PRKCA: variants seen among roughly 807,000 people sequenced by gnomAD.
The protein encoded by PRKCA is protein kinase C alpha.
PRKCA carries 27 observed loss-of-function variants against 87.0 expected under a neutral mutation model. The observed-to-expected ratio is 0.31, with a 90% confidence interval of 0.23 to 0.43. The LOEUF (loss-of-function observed/expected upper bound fraction) is 0.43. PRKCA is among the 20% of genes least tolerant of loss of function. The pLI, the probability that PRKCA is intolerant of heterozygous loss-of-function variation, is 1.00. For missense variants in PRKCA, 518 were observed against 852.3 expected, an observed-to-expected ratio of 0.61 and a Z score of 4.88; for synonymous variants, 329 against 311.1, an observed-to-expected ratio of 1.06 and a Z score of -0.61.
At chr17:66,531,421 T>G (rs1290902540) in intron 3 of PRKCA, among the ~76,000 whole-genome samples, 1 of 152,152 alleles carries the variant, frequency 6.6e-6, no homozygotes, top group Non-Finnish European at 1.5e-5. Context: ...TGGGAGCCGG[T>G]GGCATCCTTG....
intron 2 of PRKCA, among the ~76,000 whole-genome samples, chr17:66,351,647 C>A (rs1468130053): frequency 6.6e-6 from 1 of 152,154 alleles, no homozygotes; most frequent in Non-Finnish European, 1.5e-5. Flanking sequence ...GGTTATAAAT[C>A]ATTAAATATT....
In PRKCA at chr17:66,505,172, G is replaced by A. The variant is rs551013230; in HGVS notation, c.288+8889G>A. ...AGTAACAGAAGTATTTCCTACAAGG[G>A]AAGGGACTCCTGCTGCACTTGGACC... is the stretch of plus-strand genomic sequence containing the variant. On this transcript the variant is annotated intron_variant, in intron 3 of 16. Transcript: ENST00000413366. Among the ~76,000 whole-genome samples, 22 of 152,288 alleles carry A rather than the reference G, an allele frequency of 1.4e-4. No homozygotes were observed. In the South Asian group the frequency reaches 3.1e-3, roughly 22 times the overall value.
intron 8 of PRKCA, among the ~76,000 whole-genome samples, chr17:66,705,081 CA>C (rs958762095): frequency 2.0e-5 from 3 of 152,014 alleles, no homozygotes; most frequent in African/African-American, 7.2e-5. Flanking sequence ...AGACACAAAA[CA>C]AAAAAATCTA....
chr17:66,628,196 A>G (rs1191946367), intron 3 of PRKCA, among the ~76,000 whole-genome samples: 1 of 152,128 alleles, frequency 6.6e-6, no homozygotes, highest in Non-Finnish European at 1.5e-5. Context: ...TTTTGCTTTT[A>G]ATATTTTATG....
intron 2 of PRKCA, among the ~76,000 whole-genome samples, chr17:66,345,673 A>C (rs1488158912): frequency 6.6e-6 from 1 of 152,172 alleles, no homozygotes; most frequent in Non-Finnish European, 1.5e-5. Flanking sequence ...TTATTGACTT[A>C]TTTCTCTTAC....
At chr17:66,497,616 T>C (rs1052804534) in intron 3 of PRKCA, among the ~76,000 whole-genome samples, 1 of 152,160 alleles carries the variant, frequency 6.6e-6, no homozygotes. Context: ...TAAAAAAAAT[T>C]GTCAGGCAGG....
rs372025001 is a variant in PRKCA, at chr17:66,546,141, C to T, written c.288+49858C>T. On this transcript the variant is annotated intron_variant, in intron 3 of 16. Coordinates refer to ENST00000413366, the MANE Select transcript of PRKCA (RefSeq NM_002737.3). Reference sequence around the variant, plus strand: ...TGCCATTTAATTGCAGTCTTTACACCATTTATATGTAATGGAATTATCATT... The same window carrying T: ...TGCCATTTAATTGCAGTCTTTACACTATTTATATGTAATGGAATTATCATT... Among the ~76,000 whole-genome samples, 10 of 152,114 alleles carry T rather than the reference C, an allele frequency of 6.6e-5. No individual in the cohort carries two copies. In the East Asian group the frequency reaches 9.6e-4, roughly 15 times the overall value.
intron 3 of PRKCA, among the ~76,000 whole-genome samples, chr17:66,526,396 T>G (rs2144241462): frequency 6.6e-6 from 1 of 152,290 alleles, no homozygotes; most frequent in African/African-American, 2.4e-5. Context: ...GCAGACATAA[T>G]CTGCATGTCA....
At chr17:66,505,640 G>A (rs976825761) in intron 3 of PRKCA, among the ~76,000 whole-genome samples, 10 of 152,136 alleles carry the variant, frequency 6.6e-5, no homozygotes, top group Non-Finnish European at 1.2e-4. Flanking sequence ...CAGGCCAGTG[G>A]AACCCAGTCA....
At chr17:66,438,728 A>G (rs1913549557) in intron 2 of PRKCA, among the ~76,000 whole-genome samples, 1 of 152,158 alleles carries the variant, frequency 6.6e-6, no homozygotes. Context: ...AAGGGGAAGC[A>G]AACATGTCCT....
At chr17:66,779,962 C>G (rs537511429) in intron 14 of PRKCA, among the ~76,000 whole-genome samples, 13 of 152,252 alleles carry the variant, frequency 8.5e-5, no homozygotes, top group East Asian at 5.8e-4. Flanking sequence ...CTGGCAGTAC[C>G]AGAAAGGAAA....
Position 66,377,721 on chromosome 17 carries a change from A to ATTTTTT in PRKCA, c.205+71610_205+71615dup, listed in dbSNP as rs1229084236. The stretch of plus-strand genomic sequence containing the variant: ...ATGTTTTATATATATATATATATAT[A>ATTTTTT]TTTTTTTTTTTTTTTTTTTTTGAGG... On this transcript the variant is annotated intron_variant, in intron 2 of 16. Coordinates refer to ENST00000413366, the MANE Select transcript of PRKCA (RefSeq NM_002737.3). Among the ~76,000 whole-genome samples the ATTTTTT allele has an allele frequency of 9.8e-4, 68 of 69,122 alleles. 1 individual carries two copies. The highest frequency in any genetic ancestry group is 2.4e-3 in the African/African-American group (45 of 18,436). 45.3% of individuals were successfully genotyped at this position (69,122 alleles called of 152,430 possible). A position where few individuals can be genotyped will look rare whatever the true frequency, so the allele number is the denominator to read the frequency against.
rs558189993 is a variant in PRKCA at position 66,426,500 on chromosome 17, C to G, written c.206-69701C>G. 9.9e-5 allele frequency among the ~76,000 whole-genome samples: 15 copies of G among 152,224 alleles called. No homozygotes were observed. In the East Asian group the frequency reaches 2.7e-3, roughly 27 times the overall value. On this transcript the variant is annotated intron_variant, in intron 2 of 16. Transcript: ENST00000413366. ...GGAAGACAGGAAGGAGTAAGTGAAA[C>G]GTTAAAAGATTTGGGTGGTTGCAGA...
intron 2 of PRKCA, among the ~76,000 whole-genome samples, chr17:66,377,474 T>G (rs1378184501): frequency 6.7e-6 from 1 of 150,156 alleles, no homozygotes; most frequent in East Asian, 1.9e-4. Context: ...TATATATAGA[T>G]ATACGTGTAT....
chr17:66,303,879 A>C (rs1904653006), intron 1 of PRKCA, among the ~76,000 whole-genome samples: 1 of 152,118 alleles, frequency 6.6e-6, no homozygotes, highest in African/African-American at 2.4e-5. Context: ...ACACGCCTGT[A>C]ATCCCAGCTA....
In PRKCA at chr17:66,798,413, ATGG is replaced by A. The variant is rs1402216443; in HGVS notation, c.1855-5442_1855-5440del. ...GGTGGTGGTGGTGGTGGTGATGGTGATGGTGGTGGTGGTGGTGGTGACGGTGGT... is the reference window on the plus strand; with the variant it reads ...GGTGGTGGTGGTGGTGGTGATGGTGATGGTGGTGGTGGTGGTGACGGTGGT... On this transcript the variant is annotated intron_variant, in intron 16 of 16. Transcript: ENST00000413366. Among the ~76,000 whole-genome samples the A allele has an allele frequency of 3.5e-4, 18 of 51,758 alleles. 1 individual carries two copies. The highest frequency in any genetic ancestry group is 1.3e-3 in the South Asian group (2 of 1,516). The allele number at this position is 51,758 out of a possible 152,430, so 34.0% of individuals were successfully genotyped here.
At chr17:66,613,112 T>C (rs1970414910) in intron 3 of PRKCA, among the ~76,000 whole-genome samples, 1 of 152,210 alleles carries the variant, frequency 6.6e-6, no homozygotes. Flanking sequence ...CAGCTGTTCA[T>C]TGGTGTATTT....
At chr17:66,533,918 C>T (rs771119054) in intron 3 of PRKCA, among the ~76,000 whole-genome samples, 4 of 152,092 alleles carry the variant, frequency 2.6e-5, no homozygotes, top group Non-Finnish European at 4.4e-5. Context: ...GCGCATCAGC[C>T]CCTCCTTTTG....
chr17:66,739,091 A>G (rs1391998044), intron 11 of PRKCA, among the ~76,000 whole-genome samples: 1 of 152,132 alleles, frequency 6.6e-6, no homozygotes, highest in East Asian at 1.9e-4. Context: ...CATCTTGCCC[A>G]GGCTGGTCCC....
Sources: gnomAD v4.1 joint callset for allele counts (sites outside exome capture counted in the v4.1 genomes callset) on GRCh38, gnomAD v4.1.1 for gene constraint, MANE v1.5 for transcripts, NCBI Gene and HGNC (gene_info 2026-07-23, HGNC 2026-07-21) for gene names.